The following MYO5B variants were observed in gnomAD, a reference collection of about 807,000 sequenced individuals.
MYO5B encodes the protein unconventional myosin-Vb.
In MYO5B, 143 loss-of-function variants were observed where a neutral mutation model predicts 229.3. The observed-to-expected ratio is 0.62, with a 90% CI of 0.54 to 0.72. MYO5B has a LOEUF of 0.72. Among genes scored for constraint, MYO5B ranks in the 30% least tolerant of loss-of-function variants. The probability of loss-of-function intolerance (pLI) is 0.00; values close to 1 mark genes in which losing one functional copy is unlikely to be tolerated. For missense variants in MYO5B, 2,321 were observed against 2,331.0 expected (o/e 1.00, Z 0.09); for synonymous variants, 918 against 885.2 (o/e 1.04, Z -0.66).
intron 4 of MYO5B, among the ~76,000 whole-genome samples, chr18:50,017,749 A>T (rs747691454): frequency 1.8e-4 from 27 of 152,212 alleles, no homozygotes; most frequent in Non-Finnish European, 3.4e-4. Flanking sequence ...CTAATTGTTA[A>T]ATCAAAAGAT....
At position 50,147,482 on chromosome 18, in the gene MYO5B, A is replaced by G. The variant is rs147825084; in HGVS notation, c.27+47285T>C. ...GTACATGGATTTGTTTAACACATGAAGCTGAAGAAATTCACTCATTCATTC... is the reference window on the plus strand; with the variant it reads ...GTACATGGATTTGTTTAACACATGAGGCTGAAGAAATTCACTCATTCATTC... On this transcript the variant is annotated intron_variant, in intron 1 of 39. Transcript: ENST00000285039. Among the ~76,000 whole-genome samples, 1,033 of 152,322 alleles carry G rather than the reference A, an allele frequency of 6.8e-3. 8 individuals carry two copies. The highest frequency in any genetic ancestry group is 0.024 in the South Asian group (116 of 4,820).
chr18:50,014,278 G>GA (rs374397757), intron 4 of MYO5B, among the ~76,000 whole-genome samples: 17,379 of 55,410 alleles, frequency 0.31, 1,480 homozygotes, highest in Middle Eastern at 0.41. Context: ...GATGAGAAAG[G>GA]AAAAAAAAAA....
chr18:50,149,077 A>G (rs1007941763), intron 1 of MYO5B, among the ~76,000 whole-genome samples: 19 of 152,124 alleles, frequency 1.2e-4, no homozygotes, highest in African/African-American at 4.6e-4. Context: ...GTGAACTCCC[A>G]TTCACAATTG....
intron 12 of MYO5B, among the ~76,000 whole-genome samples, chr18:49,955,649 ATAAC>A (rs1336034112): frequency 1.3e-5 from 2 of 152,258 alleles, no homozygotes; most frequent in African/African-American, 2.4e-5. Flanking sequence ...TCATTTTGGC[ATAAC>A]TAATATTGAA....
chr18:49,947,101 CTTTTTTT>C (rs74176748), intron 14 of MYO5B, among the ~76,000 whole-genome samples: 63 of 108,292 alleles, frequency 5.8e-4, no homozygotes, highest in African/African-American at 2.1e-3. Flanking sequence ...TCACCAAGCT[CTTTTTTT>C]TTTTTTTTTT....
intron 14 of MYO5B, among the ~76,000 whole-genome samples, chr18:49,939,273 G>C (rs142003551): frequency 6.6e-6 from 1 of 150,910 alleles, no homozygotes; most frequent in Admixed American, 6.6e-5. Context: ...AGTGTCCCCA[G>C]TAGCTGGGAC....
At chr18:49,883,851 T>C (rs2024615332) in intron 22 of MYO5B, among the ~76,000 whole-genome samples, 1 of 152,108 alleles carries the variant, frequency 6.6e-6, no homozygotes, top group Non-Finnish European at 1.5e-5. Flanking sequence ...GCCAAAACAA[T>C]TCAATGAGGA....
At chr18:50,153,901 C>A (rs1242130112) in intron 1 of MYO5B, among the ~76,000 whole-genome samples, 1 of 152,150 alleles carries the variant, frequency 6.6e-6, no homozygotes. Context: ...TTGCTCCCCA[C>A]CCCTGGAGCC....
intron 1 of MYO5B, among the ~76,000 whole-genome samples, chr18:50,164,067 A>G (rs1443579343): frequency 6.6e-6 from 1 of 152,250 alleles, no homozygotes; most frequent in Non-Finnish European, 1.5e-5. Context: ...TCTTTTCTGC[A>G]TAACATAAGG....
At chr18:49,916,224 T>G (rs1031868799) in intron 17 of MYO5B, among the ~76,000 whole-genome samples, 2 of 152,264 alleles carry the variant, frequency 1.3e-5, no homozygotes, top group African/African-American at 4.8e-5. Context: ...TGCTTCTAAT[T>G]TGAAAACCTC....
At chr18:49,937,421 G>A (rs1340576159) in intron 14 of MYO5B, 24 bp from the exon 15 acceptor site, 2 of 1,612,386 alleles carry the variant, frequency 1.2e-6, no homozygotes, top group Middle Eastern at 1.6e-4. Flanking sequence ...CAGGAAGAAT[G>A]ATGAAAGTGA....
chr18:50,128,010 T>C (rs1373142168), intron 1 of MYO5B, among the ~76,000 whole-genome samples: 1 of 152,228 alleles, frequency 6.6e-6, no homozygotes, highest in East Asian at 1.9e-4. Context: ...CACCACTGAC[T>C]CTGCTGGTTC....
At chr18:50,136,438 T>C (rs2032338165) in intron 1 of MYO5B, among the ~76,000 whole-genome samples, 1 of 149,534 alleles carries the variant, frequency 6.7e-6, no homozygotes, top group Non-Finnish European at 1.5e-5. Flanking sequence ...CAGGTGATGA[T>C]ACAAGTAAAC....
At chr18:50,020,115 A>T (rs1598958376) in intron 4 of MYO5B, among the ~76,000 whole-genome samples, 2 of 152,082 alleles carry the variant, frequency 1.3e-5, no homozygotes, top group East Asian at 3.9e-4. Context: ...AGACACAATC[A>T]TTTCATCCAG....
intron 27 of MYO5B, among the ~76,000 whole-genome samples, chr18:49,867,373 C>A (rs530958102): frequency 6.6e-6 from 1 of 152,066 alleles, no homozygotes; most frequent in South Asian, 2.1e-4. Flanking sequence ...GTAGTCCCCA[C>A]GGCGCAGTGA....
chr18:49,984,178 T>C (rs1042400002), intron 8 of MYO5B, among the ~76,000 whole-genome samples: 1 of 152,214 alleles, frequency 6.6e-6, no homozygotes, highest in Non-Finnish European at 1.5e-5. Flanking sequence ...ACTGTCCCCT[T>C]ATGCCCCTGA....
intron 14 of MYO5B, among the ~76,000 whole-genome samples, chr18:49,944,804 C>T (rs1363994900): frequency 6.6e-6 from 1 of 152,126 alleles, no homozygotes; most frequent in African/African-American, 2.4e-5. Flanking sequence ...TCTCTTCTCA[C>T]TTTACCATCG....
In MYO5B at chr18:49,826,712, C is replaced by A. The variant is rs565699217; in HGVS notation, c.5395-89G>T. The A allele has an allele frequency of 4.2e-5, 61 of 1,462,212 alleles. 1 individual carries two copies. The Middle Eastern group carries it at 7.1e-4, about 17-fold the overall frequency. The allele number at this position is 1,462,212 out of a possible 1,614,324, so 90.6% of individuals were successfully genotyped here. A position where few individuals can be genotyped will look rare whatever the true frequency, so the allele number is the denominator to read the frequency against. On this transcript the variant is annotated intron_variant, in intron 39 of 39. Transcript: ENST00000285039. ...TTCACAAAAGTGAGTTGGCATATATCATGGAAAGATTTCTACGACAATTAG... is the reference window on the plus strand; with the variant it reads ...TTCACAAAAGTGAGTTGGCATATATAATGGAAAGATTTCTACGACAATTAG...
intron 1 of MYO5B, among the ~76,000 whole-genome samples, chr18:50,183,887 T>C (rs1205050315): frequency 6.6e-6 from 1 of 152,054 alleles, no homozygotes; most frequent in African/African-American, 2.4e-5. Flanking sequence ...CCCACGACAG[T>C]GAGTTGTTAT....
Sources: gnomAD v4.1 joint callset for allele counts (sites outside exome capture counted in the v4.1 genomes callset) on GRCh38, gnomAD v4.1.1 for gene constraint, MANE v1.5 for transcripts, NCBI Gene and HGNC (gene_info 2026-07-23, HGNC 2026-07-21) for gene names.